SLC5A1: variants seen among roughly 807,000 people sequenced by gnomAD.
The protein encoded by SLC5A1 is sodium/glucose cotransporter 1.
SLC5A1 carries 42 observed loss-of-function variants against 73.5 expected under a neutral mutation model. The observed-to-expected ratio is 0.57, with a 90% CI of 0.45 to 0.74. The LOEUF is 0.74. Among genes scored for constraint, SLC5A1 ranks in the 30% least tolerant of loss-of-function variants. The pLI, the probability that SLC5A1 is intolerant of heterozygous loss-of-function variation, is 0.00. For missense variants in SLC5A1, 634 were observed against 855.4 expected (o/e 0.74, Z 3.23); for synonymous variants, 300 against 317.4 (o/e 0.95, Z 0.58).
At chr22:32,076,834 A>G (rs539111653) in intron 5 of SLC5A1, among the ~76,000 whole-genome samples, 2 of 152,350 alleles carry the variant, frequency 1.3e-5, no homozygotes, top group African/African-American at 4.8e-5. Context: ...TTACTTGCAG[A>G]TGCTTTCCAA....
At chr22:32,063,733 G>A (rs2093967528) in intron 2 of SLC5A1, among the ~76,000 whole-genome samples, 1 of 152,164 alleles carries the variant, frequency 6.6e-6, no homozygotes, top group Non-Finnish European at 1.5e-5. Flanking sequence ...ACTTGGTCCT[G>A]TTGAGAGATA....
At chr22:32,109,546 C>T (rs1434998461) in intron 14 of SLC5A1, among the ~76,000 whole-genome samples, 1 of 152,162 alleles carries the variant, frequency 6.6e-6, no homozygotes, top group South Asian at 2.1e-4. Context: ...ACAGATGTAA[C>T]CAACGCACTC....
intron 2 of SLC5A1, among the ~76,000 whole-genome samples, chr22:32,056,437 CTTTTTTT>C (rs35843263): frequency 1.6e-5 from 2 of 121,606 alleles, no homozygotes; most frequent in East Asian, 4.9e-4. Flanking sequence ...ACCTTCCTGT[CTTTTTTT>C]TTTTTTTTTT....
rs1332422589 is a variant in SLC5A1 at position 32,066,967 on chromosome 22, A to T, written c.240A>T (p.Gly80=). Residue 80 remains glycine (G), a synonymous_variant, in exon 3 of 15, where the codon GGA becomes GGT. Coordinates refer to ENST00000266088, the MANE Select transcript of SLC5A1 (RefSeq NM_000343.4). Reference sequence around the variant, plus strand: ...CCTCCCTCTTTGCTAGTAACATTGGAAGTGGCCACTTTGTGGGGCTGGCCG... The same window carrying T: ...CCTCCCTCTTTGCTAGTAACATTGGTAGTGGCCACTTTGTGGGGCTGGCCG... The part of the protein sequence containing the change: ...IGASLFASNI[G]SGHFVGLAGT... The T allele has an allele frequency of 3.1e-6, 5 of 1,613,622 alleles. No individual in the cohort carries two copies. The highest frequency in any genetic ancestry group is 4.2e-6 in the Non-Finnish European group (5 of 1,179,702).
At position 32,102,196 on chromosome 22, in the gene SLC5A1, G is replaced by A. The variant is rs2094037724; in HGVS notation, c.1624G>A (p.Val542Met). The change falls in exon 13 of 15, where the codon GTG becomes ATG. Residue 542 changes from valine (V) to methionine (M), a missense_variant. Coordinates refer to ENST00000266088, the MANE Select transcript of SLC5A1 (RefSeq NM_000343.4). ...ILFAISFITI[V>M]VISLLTKPIP... is the part of the protein sequence containing the mutation. ...CTTCGCCATTTCTTTCATCACCATC[G>A]TGGTCATCTCCCTCCTCACCAAACC... The A allele has an allele frequency of 3.1e-6, 5 of 1,613,826 alleles. No homozygotes were observed. The highest frequency in any genetic ancestry group is 2.7e-5 in the African/African-American group (2 of 74,822).
intron 14 of SLC5A1, among the ~76,000 whole-genome samples, chr22:32,105,593 C>A (rs1324358378): frequency 6.6e-6 from 1 of 152,166 alleles, no homozygotes; most frequent in African/African-American, 2.4e-5. Flanking sequence ...CCACACCCGG[C>A]CTTGCACTCT....
chr22:32,049,496 C>T lies in SLC5A1; in HGVS notation c.136-447C>T, dbSNP rs1031987112. On this transcript the variant is annotated intron_variant, in intron 1 of 14. Transcript: ENST00000266088. Reference sequence around the variant, plus strand: ...CTGGGCTCAAATGATTCTCCCACCTCAGCCTCCTGAGTAGCTGGGATTATA... The same window carrying T: ...CTGGGCTCAAATGATTCTCCCACCTTAGCCTCCTGAGTAGCTGGGATTATA... Among the ~76,000 whole-genome samples the T allele has an allele frequency of 2.1e-5, 3 of 146,306 alleles. No individual in the cohort carries two copies. In the East Asian group the frequency reaches 6.2e-4, roughly 30 times the overall value.
intron 12 of SLC5A1, among the ~76,000 whole-genome samples, chr22:32,100,740 T>C (rs2094034899): frequency 6.6e-6 from 1 of 152,136 alleles, no homozygotes; most frequent in Admixed American, 6.6e-5. Flanking sequence ...AGTGAAATAG[T>C]GCATGGGGGA....
intron 5 of SLC5A1, among the ~76,000 whole-genome samples, chr22:32,076,949 A>T (rs1394563931): frequency 2.6e-5 from 4 of 152,182 alleles, no homozygotes; most frequent in African/African-American, 4.8e-5. Flanking sequence ...CACACGATCT[A>T]TTTTTGTAAG....
At chr22:32,108,968 G>C (rs1288483230) in intron 14 of SLC5A1, among the ~76,000 whole-genome samples, 1 of 152,030 alleles carries the variant, frequency 6.6e-6, no homozygotes, top group Non-Finnish European at 1.5e-5. Flanking sequence ...TTGAGTCCAG[G>C]AGTTCAAGAC....
At chr22:32,086,177 C>T (rs200758532) in intron 9 of SLC5A1, 43 bp from the exon 10 acceptor site, 14 of 1,198,908 alleles carry the variant, frequency 1.2e-5, no homozygotes, top group Admixed American at 5.1e-5. Context: ...GGAAATATTT[C>T]CCCAATGTCT....
At chr22:32,075,081 T>A in intron 5 of SLC5A1, among the ~76,000 whole-genome samples, 1 of 148,558 alleles carries the variant, frequency 6.7e-6, no homozygotes, top group African/African-American at 2.5e-5. Context: ...TTTTTTTTTT[T>A]TTTTTTTTTT....
chr22:32,044,731 G>C (rs560151332), intron 1 of SLC5A1, among the ~76,000 whole-genome samples: 1 of 152,182 alleles, frequency 6.6e-6, no homozygotes, highest in South Asian at 2.1e-4. Context: ...TCAGCCTCCA[G>C]TTTACTCAAC....
At chr22:32,082,412 A>C (rs1202271853) in intron 6 of SLC5A1, among the ~76,000 whole-genome samples, 1 of 152,202 alleles carries the variant, frequency 6.6e-6, no homozygotes, top group Non-Finnish European at 1.5e-5. Context: ...AGGTCACAGC[A>C]TACTGTGTGT....
intron 11 of SLC5A1, among the ~76,000 whole-genome samples, chr22:32,096,081 C>A (rs1325738585): frequency 6.6e-6 from 1 of 152,126 alleles, no homozygotes; most frequent in Non-Finnish European, 1.5e-5. Flanking sequence ...CTTGGCTTTC[C>A]TGGTATATTC....
At chr22:32,066,905 C>A in intron 2 of SLC5A1, 30 bp from the exon 3 acceptor site, 2 of 1,480,096 alleles carry the variant, frequency 1.4e-6, no homozygotes, top group Non-Finnish European at 1.9e-6. Context: ...GAGCACAGAG[C>A]CCTCACCTGA....
In SLC5A1 at chr22:32,084,471, A is replaced by G. The variant is rs200026740; in HGVS notation, c.697A>G (p.Met233Val). The change falls in exon 8 of 15, where the codon ATG (methionine) becomes GTG (valine). Residue 233 changes from methionine (M) to valine (V), a missense_variant. By Grantham distance (21) the Met-to-Val change is conservative. Transcript: ENST00000266088. ...FHEVGGYDAFMEKYMKAIPTI... is the reference protein window; with the variant it reads ...FHEVGGYDAFVEKYMKAIPTI... ...CGAAGTGGGAGGCTATGACGCCTTC[A>G]TGGAAAAGTACATGAAAGCCATTCC... The G allele has an allele frequency of 3.7e-6, 6 of 1,614,148 alleles. No homozygotes were observed. In the African/African-American group the frequency reaches 4.0e-5, roughly 11 times the overall value.
chr22:32,091,891 A>G (rs1265811577), intron 11 of SLC5A1, 129 bp downstream of exon 11: 2 of 844,244 alleles, frequency 2.4e-6, no homozygotes, highest in Non-Finnish European at 4.0e-6. Context: ...GGCTGGTTAT[A>G]TGTGCCATTT....
rs2093963261 is a variant in SLC5A1, at chr22:32,061,666, G to A, written c.208-5269G>A. 2.0e-5 allele frequency among the ~76,000 whole-genome samples: 3 copies of A among 152,338 alleles called. No homozygotes were observed. In the South Asian group the frequency reaches 6.2e-4, roughly 32 times the overall value. ...GAATGTTCCAAATAACAGAGAGGCA[G>A]ATTCTTTAATAGTGATGGCAATTAG... is the stretch of plus-strand genomic sequence containing the variant. On this transcript the variant is annotated intron_variant, in intron 2 of 14. Coordinates refer to ENST00000266088, the MANE Select transcript of SLC5A1 (RefSeq NM_000343.4).
Sources: gnomAD v4.1 joint callset for allele counts (sites outside exome capture counted in the v4.1 genomes callset) on GRCh38, gnomAD v4.1.1 for gene constraint, MANE v1.5 for transcripts, NCBI Gene and HGNC (gene_info 2026-07-23, HGNC 2026-07-21) for gene names.